MAF: variants seen among roughly 807,000 people sequenced by gnomAD.
The protein encoded by MAF is MAF bZIP transcription factor.
Under a neutral mutation model 22.0 loss-of-function variants are expected in MAF, and 10 were observed. That is an observed-to-expected ratio of 0.45 (90% CI 0.28 to 0.77). The LOEUF (loss-of-function observed/expected upper bound fraction) is 0.77, where lower values mean the gene tolerates loss of function less well. Ranked by LOEUF, MAF falls within the 30% of genes least tolerant of loss-of-function variation. The pLI is 0.12. For synonymous variants in MAF, 337 were observed against 255.8 expected (o/e 1.32, Z -3.03); for missense variants, 544 against 548.4 (o/e 0.99, Z 0.08).
chr16:79,431,884 G>T, the MAF span, among the ~76,000 whole-genome samples: 3 of 152,182 alleles, frequency 2.0e-5, no homozygotes, highest in African/African-American at 7.2e-5. Flanking sequence ...GTTACAGGTT[G>T]AATTGCCACC....
chr16:79,315,798 C>A, the MAF span, among the ~76,000 whole-genome samples: 1,416 of 152,358 alleles, frequency 9.3e-3, 23 homozygotes, highest in African/African-American at 0.032. Context: ...AAGCCCAAGT[C>A]CCGTCCTCTC....
At chr16:79,522,730 G>C in the MAF span, among the ~76,000 whole-genome samples, 10 of 152,294 alleles carry the variant, frequency 6.6e-5, no homozygotes, top group African/African-American at 2.4e-4. Context: ...CCTGGATTGA[G>C]ATCAATCCAA....
At chr16:79,270,291 C>T in the MAF span, among the ~76,000 whole-genome samples, 3 of 152,062 alleles carry the variant, frequency 2.0e-5, no homozygotes, top group Non-Finnish European at 4.4e-5. Context: ...TTTTTCTTTG[C>T]TGGCTTGAGA....
At chr16:79,274,139 A>C in the MAF span, among the ~76,000 whole-genome samples, 21 of 151,828 alleles carry the variant, frequency 1.4e-4, no homozygotes, top group African/African-American at 4.3e-4. Flanking sequence ...ATTTTTAGTA[A>C]AGATGGGATT....
chr16:79,345,887 A>AT, the MAF span, among the ~76,000 whole-genome samples: 1,074 of 147,742 alleles, frequency 7.3e-3, 10 homozygotes, highest in African/African-American at 0.023. Flanking sequence ...TTGTTTACTT[A>AT]TTTTTTTTTT....
the MAF span, among the ~76,000 whole-genome samples, chr16:79,486,093 C>T: frequency 2.6e-5 from 4 of 152,234 alleles, no homozygotes; most frequent in African/African-American, 4.8e-5. Context: ...CGGAGTGTCT[C>T]GCATGACTCT....
chr16:79,390,291 A>T, the MAF span, among the ~76,000 whole-genome samples: 26 of 151,956 alleles, frequency 1.7e-4, no homozygotes, highest in South Asian at 4.2e-4. Flanking sequence ...TATTATTATT[A>T]TTTTTTTCAC....
chr16:79,567,147 G>A, the MAF span, among the ~76,000 whole-genome samples: 2 of 152,186 alleles, frequency 1.3e-5, no homozygotes, highest in Admixed American at 1.3e-4. Flanking sequence ...GCGAAACCCT[G>A]TCTCTACTAA....
the MAF span, among the ~76,000 whole-genome samples, chr16:79,357,811 G>C: frequency 1.3e-5 from 2 of 152,240 alleles, no homozygotes; most frequent in Non-Finnish European, 2.9e-5. Flanking sequence ...TCCCTGCCCA[G>C]TGTCTGACAT....
intron 1 of MAF, chr16:79,596,029 A>G: frequency 9.4e-7 from 1 of 1,061,232 alleles, no homozygotes; most frequent in South Asian, 4.6e-5. Flanking sequence ...AGAAGGAAAA[A>G]TAGTCAACTT....
chr16:79,395,589 C>T, the MAF span, among the ~76,000 whole-genome samples: 25 of 152,184 alleles, frequency 1.6e-4, no homozygotes, highest in Non-Finnish European at 3.4e-4. Context: ...TGGAGCATCG[C>T]ATCTGCAAGT....
At chr16:79,537,450 T>G in the MAF span, among the ~76,000 whole-genome samples, 2 of 152,154 alleles carry the variant, frequency 1.3e-5, no homozygotes, top group Non-Finnish European at 2.9e-5. Flanking sequence ...ATTTTACAGC[T>G]GAAGGCATTA....
At chr16:79,574,899 A>T in the MAF span, among the ~76,000 whole-genome samples, 1 of 152,204 alleles carries the variant, frequency 6.6e-6, no homozygotes, top group Non-Finnish European at 1.5e-5. Context: ...TGTAAAACTC[A>T]GAGTAAAATA....
chr16:79,351,581 T>G, the MAF span, among the ~76,000 whole-genome samples: 2 of 151,950 alleles, frequency 1.3e-5, no homozygotes, highest in East Asian at 3.9e-4. Flanking sequence ...AATCTCAGAG[T>G]CACAGAGCCC....
At chr16:79,340,847 T>C in the MAF span, among the ~76,000 whole-genome samples, 4 of 152,074 alleles carry the variant, frequency 2.6e-5, no homozygotes, top group East Asian at 1.9e-4. Flanking sequence ...CCATCTTCCA[T>C]TGGGAACTAC....
chr16:79,551,877 T>C, the MAF span, among the ~76,000 whole-genome samples: 1 of 152,138 alleles, frequency 6.6e-6, no homozygotes, highest in Non-Finnish European at 1.5e-5. Flanking sequence ...CAGAAATATC[T>C]GCTCTCTGGC....
At chr16:79,341,431 C>CATCTCTTCTCAACTCACACCTCTTTGGT in the MAF span, among the ~76,000 whole-genome samples, 6 of 152,320 alleles carry the variant, frequency 3.9e-5, no homozygotes, top group East Asian at 3.9e-4. Context: ...TGACTTCATG[C>CATCTCTTCTCAACTCACACCTCTTTGGT]ATCTCTTCTC....
chr16:79,313,734 T>C, the MAF span, among the ~76,000 whole-genome samples: 1 of 152,158 alleles, frequency 6.6e-6, no homozygotes, highest in Non-Finnish European at 1.5e-5. Context: ...AGGCTTTGCC[T>C]ATCTCACTCC....
chr16:79,518,170 G>C, the MAF span, among the ~76,000 whole-genome samples: 1 of 152,338 alleles, frequency 6.6e-6, no homozygotes, highest in African/African-American at 2.4e-5. Flanking sequence ...TAGAGATTTT[G>C]AGAGGATAAA....
Sources: gnomAD v4.1 joint callset for allele counts (sites outside exome capture counted in the v4.1 genomes callset) on GRCh38, gnomAD v4.1.1 for gene constraint, MANE v1.5 for transcripts, NCBI Gene and HGNC (gene_info 2026-07-23, HGNC 2026-07-21) for gene names.